Variants in GLI1 observed in about 807,000 individuals in gnomAD.
The protein encoded by GLI1 is transcription activator GLI1.
Under a neutral mutation model 87.8 loss-of-function variants are expected in GLI1, and 51 were observed. The observed-to-expected ratio is 0.58, with a 90% CI of 0.46 to 0.73. The LOEUF (loss-of-function observed/expected upper bound fraction) is 0.73. GLI1 is among the 30% of genes least tolerant of loss of function. GLI1 has a pLI of 0.00. For missense variants in GLI1, 1,292 were observed against 1,437.2 expected (o/e 0.90, Z 1.63); for synonymous variants, 528 against 558.2 (o/e 0.95, Z 0.76).
chr12:57,467,360 C>G lies in GLI1; in HGVS notation c.940C>G (p.Arg314Gly). 6.2e-7 allele frequency: 1 copy of G among 1,610,786 alleles called. No homozygotes were observed. Among genetic ancestry groups the G allele is most frequent in the Non-Finnish European group, 8.5e-7 (1 of 1,177,268 alleles). Residue 314 changes from arginine to glycine, a missense_variant, in exon 9 of 12, where the codon CGC becomes GGC. Physicochemically the swap from Arg to Gly is moderately radical, Grantham distance 125. Around this residue, in one of 3 missense-constraint regions of GLI1, gnomAD observed 897 missense variants for 1,040.7 expected, o/e 0.86. Transcript: ENST00000228682. ...TFEGCRKSYS[R>G]LENLKTHLRS... is the part of the protein sequence containing the mutation. ...TGAAGGGTGCCGGAAGTCATACTCACGCCTCGAAAACCTGAAGACGCACCT... is the reference window on the plus strand; with the variant it reads ...TGAAGGGTGCCGGAAGTCATACTCAGGCCTCGAAAACCTGAAGACGCACCT...
chr12:57,465,460 A>G, intron 5 of GLI1, 147 bp from the exon 6 acceptor site: 1 of 759,886 alleles, frequency 1.3e-6, no homozygotes, highest in Non-Finnish European at 2.2e-6. Flanking sequence ...CCCATTCACC[A>G]GTGTAGTCTG....
rs367757660 is a variant in GLI1 at position 57,464,843 on chromosome 12, G to A, written c.364G>A (p.Gly122Ser). The change falls in exon 4 of 12, where the codon GGT becomes AGT. Residue 122 changes from glycine (G) to serine (S), a missense_variant. Gly to Ser is a moderately conservative substitution (Grantham distance 56). Coordinates refer to ENST00000228682, the MANE Select transcript of GLI1 (RefSeq NM_005269.3). ...SRCTSPGGSY[G>S]HLSIGTMSPS... ...ATGCACATCTCCAGGAGGCTCCTAC[G>A]GTCATCTCTCCATTGGCACCATGAG... is the stretch of plus-strand genomic sequence containing the variant. 40 of 1,613,642 alleles carry A rather than the reference G, an allele frequency of 2.5e-5. No individual in the cohort carries two copies. The highest frequency in any genetic ancestry group is 4.5e-5 in the East Asian group (2 of 44,896).
In GLI1 at chr12:57,471,559, G is replaced by A. The variant is rs145582008; in HGVS notation, c.2819G>A (p.Arg940His). The A allele has an allele frequency of 2.4e-5, 39 of 1,613,762 alleles. No individual in the cohort carries two copies. Among genetic ancestry groups the A allele is most frequent in the Middle Eastern group, 3.3e-4 (2 of 6,060 alleles). ...GGGGGTTCCCAGGTTAGCCCAAGCC[G>A]TGCTAAAGCTCCAGTGAACACATAT... The part of the protein sequence containing the change: ...FLGGSQVSPS[R>H]AKAPVNTYGP... The change falls in exon 12 of 12, where the codon CGT (arginine) becomes CAT (histidine). Residue 940 changes from arginine (R) to histidine (H), a missense_variant. Physicochemically the swap from Arg to His is conservative, Grantham distance 29. Around this residue, in one of 3 missense-constraint regions of GLI1, gnomAD observed 897 missense variants for 1,040.7 expected, o/e 0.86. Coordinates refer to ENST00000228682, the MANE Select transcript of GLI1 (RefSeq NM_005269.3). This position sits in a 1 kb window ranked among gnomAD's most constrained non-coding sequence, Gnocchi z 4.9.
rs753413155 is a variant in GLI1 at position 57,470,608 on chromosome 12, G to A, written c.1868G>A (p.Arg623Gln). The change falls in exon 12 of 12, where the codon CGA becomes CAA. Residue 623 changes from arginine (R) to glutamine (Q), a missense_variant. Physicochemically the swap from Arg to Gln is conservative, Grantham distance 43. Transcript: ENST00000228682. ...CTTCCCATGCCTCCTTGGAGAAGCC[G>A]AGCCGAGTATCCAGGATACAACCCC... Reference protein sequence around the residue: ...GGLPMPPWRSRAEYPGYNPNA... With the variant: ...GGLPMPPWRSQAEYPGYNPNA... The A allele has an allele frequency of 2.2e-5, 35 of 1,613,936 alleles. No homozygotes were observed. Among genetic ancestry groups the A allele is most frequent in the African/African-American group, 2.7e-5 (2 of 74,910 alleles).
chr12:57,461,753 A>T (rs1365134335), intron 1 of GLI1, among the ~76,000 whole-genome samples: 2 of 137,110 alleles, frequency 1.5e-5, no homozygotes, highest in Non-Finnish European at 3.2e-5. Context: ...TGGGCCGAGG[A>T]GGCACGGGGG....
chr12:57,470,686 C>A lies in GLI1; in HGVS notation c.1946C>A (p.Pro649His). ...ASDPAQAADR[P>H]APARVQRFKS... ...GACCCAGCCCAGGCTGCTGACCGTC[C>A]TGCTCCAGCTAGAGTCCAGAGGTTC... Residue 649 changes from proline (P) to histidine (H), a missense_variant, in exon 12 of 12, where the codon CCT (proline) becomes CAT (histidine). Coordinates refer to ENST00000228682, the MANE Select transcript of GLI1 (RefSeq NM_005269.3). 6.2e-7 allele frequency: 1 copy of A among 1,612,718 alleles called. No homozygotes were observed. The highest frequency in any genetic ancestry group is 8.5e-7 in the Non-Finnish European group (1 of 1,179,376).
At position 57,471,422 on chromosome 12, in the gene GLI1, G is replaced by A. The variant is rs769660379; in HGVS notation, c.2682G>A (p.Lys894=). The A allele has an allele frequency of 3.7e-6, 6 of 1,613,906 alleles. No homozygotes were observed. Among genetic ancestry groups the A allele is most frequent in the Non-Finnish European group, 8.5e-7 (1 of 1,179,966 alleles). ...CCACCCATTCCACAGGGCAGCTCAAGGCTCAGCTTGTGTGTAATTATGTTC... is the reference window on the plus strand; with the variant it reads ...CCACCCATTCCACAGGGCAGCTCAAAGCTCAGCTTGTGTGTAATTATGTTC... ...DSPTHSTGQL[K]AQLVCNYVQS... The change falls in exon 12 of 12, where the codon AAG becomes AAA. Residue 894 remains lysine, a synonymous_variant. Coordinates refer to ENST00000228682, the MANE Select transcript of GLI1 (RefSeq NM_005269.3). The surrounding 1 kb of genome is among the most constrained non-coding windows in gnomAD (Gnocchi z 4.9).
At position 57,464,838 on chromosome 12, in the gene GLI1, C is replaced by T. The variant is rs772683970; in HGVS notation, c.359C>T (p.Ser120Phe). 2.3e-5 allele frequency: 37 copies of T among 1,613,866 alleles called. No homozygotes were observed. Among genetic ancestry groups the T allele is most frequent in the South Asian group, 1.4e-4 (13 of 91,090 alleles). ...INSRCTSPGG[S>F]YGHLSIGTMS... ...TCGCGATGCACATCTCCAGGAGGCT[C>T]CTACGGTCATCTCTCCATTGGCACC... is the stretch of plus-strand genomic sequence containing the variant. The change falls in exon 4 of 12, where the codon TCC (serine) becomes TTC (phenylalanine). Residue 120 changes from serine to phenylalanine, a missense_variant. By Grantham distance (155) the Ser-to-Phe change is radical. Around this residue, in one of 3 missense-constraint regions of GLI1, gnomAD observed 383 missense variants for 368.4 expected, o/e 1.04. Coordinates refer to ENST00000228682, the MANE Select transcript of GLI1 (RefSeq NM_005269.3).
chr12:57,470,003 G>A (rs971391122), intron 11 of GLI1, among the ~76,000 whole-genome samples: 3 of 152,150 alleles, frequency 2.0e-5, no homozygotes, highest in African/African-American at 7.2e-5. Flanking sequence ...ACTCCAACTT[G>A]AGCAACAAGA....
At position 57,470,882 on chromosome 12, in the gene GLI1, G is replaced by A; in HGVS notation, c.2142G>A (p.Val714=). The change falls in exon 12 of 12, where the codon GTG becomes GTA. Residue 714 remains valine, a synonymous_variant. Transcript: ENST00000228682. ...QEEPEVGTSM[V]GSGLNPYMDF... ...AGCCAGAAGTTGGGACCTCCATGGT[G>A]GGCAGTGGTCTGAACCCCTATATGG... is the stretch of plus-strand genomic sequence containing the variant. 2 of 1,612,108 alleles carry A rather than the reference G, an allele frequency of 1.2e-6. No homozygotes were observed.
intron 11 of GLI1, 93 bp downstream of exon 11, chr12:57,469,791 G>A (rs2139862993): frequency 9.0e-7 from 1 of 1,113,296 alleles, no homozygotes; most frequent in Non-Finnish European, 1.3e-6. Flanking sequence ...CTGTCACACA[G>A]CACTTTTGTA....
At position 57,469,614 on chromosome 12, in the gene GLI1, C is replaced by A. The variant is rs1396343650; in HGVS notation, c.1492C>A (p.Leu498Ile). Residue 498 changes from leucine (L) to isoleucine (I), a missense_variant, in exon 11 of 12, where the codon CTT (leucine) becomes ATT (isoleucine). By Grantham distance (5) the Leu-to-Ile change is conservative (BLOSUM62 2). Around this residue, in one of 3 missense-constraint regions of GLI1, gnomAD observed 897 missense variants for 1,040.7 expected, o/e 0.86. Coordinates refer to ENST00000228682, the MANE Select transcript of GLI1 (RefSeq NM_005269.3). ...AGTGLSTLRR[L>I]ENLRLDQLHQ... ...CACTGGTCTGTCCACTCTTCGCCGC[C>A]TTGAGAACCTCAGGCTGGACCAGCT... 1 of 1,614,146 alleles carries A rather than the reference C, an allele frequency of 6.2e-7. No homozygotes were observed. Among genetic ancestry groups the A allele is most frequent in the Admixed American group, 1.7e-5 (1 of 60,032 alleles).
rs201050450 is a variant in GLI1 at position 57,470,437 on chromosome 12, C to G, written c.1697C>G (p.Pro566Arg). ...SRRSSLASPF[P>R]PGSPPENGAS... ...CGCTCCTCCCTGGCCTCTCCTTTCC[C>G]CCCTGGCTCCCCACCAGAGAATGGA... Residue 566 changes from proline to arginine, a missense_variant, in exon 12 of 12, where the codon CCC (proline) becomes CGC (arginine). By Grantham distance (103) the Pro-to-Arg change is moderately radical. Coordinates refer to ENST00000228682, the MANE Select transcript of GLI1 (RefSeq NM_005269.3). The G allele has an allele frequency of 2.7e-5, 44 of 1,614,188 alleles. No homozygotes were observed. The Admixed American group carries it at 4.5e-4, about 17-fold the overall frequency.
At chr12:57,469,064 A>G (rs1871693708) in intron 10 of GLI1, among the ~76,000 whole-genome samples, 1 of 152,126 alleles carries the variant, frequency 6.6e-6, no homozygotes, top group East Asian at 1.9e-4. Context: ...TCTTTCTTAA[A>G]TAGCACTTAG....
rs1462048957 is a variant in GLI1 at position 57,460,769 on chromosome 12, G to A, written c.-28+568G>A. Among the ~76,000 whole-genome samples, 5 of 151,842 alleles carry A rather than the reference G, an allele frequency of 3.3e-5. No homozygotes were observed. In the East Asian group the frequency reaches 9.7e-4, roughly 29 times the overall value. ...AGGAGTGTCTTCTGGACTTGGAAGG[G>A]GGCTGGGGCGGGGGGGGGCTGTCCA... On this transcript the variant is annotated intron_variant, in intron 1 of 11. Coordinates refer to ENST00000228682, the MANE Select transcript of GLI1 (RefSeq NM_005269.3).
chr12:57,465,883 T>A lies in GLI1; in HGVS notation c.720T>A (p.Asp240Glu). The change falls in exon 7 of 12, where the codon GAT becomes GAA. Residue 240 changes from aspartate to glutamate, a missense_variant. Asp to Glu is a conservative substitution (Grantham distance 45). Transcript: ENST00000228682. ...ESVYETDCRWDGCSQEFDSQE... is the reference protein window; with the variant it reads ...ESVYETDCRWEGCSQEFDSQE... ...TGTATGAAACTGACTGCCGTTGGGA[T>A]GGCTGCAGCCAGGAATTTGACTCCC... 1.2e-6 allele frequency: 2 copies of A among 1,614,076 alleles called. No individual in the cohort carries two copies. The highest frequency in any genetic ancestry group is 1.7e-6 in the Non-Finnish European group (2 of 1,179,922).
At position 57,463,730 on chromosome 12, in the gene GLI1, T is replaced by C; in HGVS notation, c.39T>C (p.Tyr13=). The C allele has an allele frequency of 6.2e-7, 1 of 1,612,610 alleles. No homozygotes were observed. Among genetic ancestry groups the C allele is most frequent in the Non-Finnish European group, 8.5e-7 (1 of 1,179,768 alleles). Residue 13 remains tyrosine, a synonymous_variant, in exon 2 of 12, where the codon TAT becomes TAC. Transcript: ENST00000228682. ...NSMTPPPISS[Y]GEPCCLRPLP... is the part of the protein sequence containing the mutation. ...TGACCCCACCACCAATCAGTAGCTA[T>C]GGCGAGCCCTGCTGTCTCCGGCCCC...
chr12:57,471,980 C>T lies in GLI1; in HGVS notation c.3240C>T (p.Pro1080=). 6.3e-7 allele frequency: 1 copy of T among 1,588,468 alleles called. No individual in the cohort carries two copies. Among genetic ancestry groups the T allele is most frequent in the Non-Finnish European group, 8.6e-7 (1 of 1,169,032 alleles). ...GACATACCCCACCTCCCTCTGGGCC[C>T]CCCAACATGGCTGTGGGCAACATGA... The part of the protein sequence containing the change: ...SSGHTPPPSG[P]PNMAVGNMSV... Residue 1080 remains proline (P), a synonymous_variant, in exon 12 of 12, where the codon CCC becomes CCT. Transcript: ENST00000228682. The surrounding 1 kb of genome is among the most constrained non-coding windows in gnomAD (Gnocchi z 4.9).
chr12:57,467,249 T>C (rs1565599573), intron 8 of GLI1, 84 bp from the exon 9 acceptor site: 1 of 1,121,554 alleles, frequency 8.9e-7, no homozygotes, highest in Non-Finnish European at 1.3e-6. Flanking sequence ...TTCTCTGATG[T>C]GTGTCCTGTT....
Sources: gnomAD v4.1 joint callset for allele counts (sites outside exome capture counted in the v4.1 genomes callset) on GRCh38, gnomAD v4.1.1 for gene constraint, gnomAD v4.1.1 regional missense constraint, Gnocchi (gnomAD v3.1) non-coding constraint, MANE v1.5 for transcripts, NCBI Gene and HGNC (gene_info 2026-07-23, HGNC 2026-07-21) for gene names.